Variants in GOSR1 observed in about 807,000 individuals in gnomAD.
GOSR1 encodes the protein golgi SNAP receptor complex member 1, also known as 28 kDa Golgi SNARE protein.
A neutral mutation model predicts 35.5 loss-of-function variants in GOSR1; 21 were observed. The observed-to-expected ratio is 0.59, with a 90% CI of 0.42 to 0.85. GOSR1 has a LOEUF of 0.85. GOSR1 is among the 40% of genes least tolerant of loss of function. The pLI is 0.00. For synonymous variants in GOSR1, 94 were observed against 106.6 expected, an observed-to-expected ratio of 0.88 and a Z score of 0.73; for missense variants, 285 against 309.6, an observed-to-expected ratio of 0.92 and a Z score of 0.60.
At chr17:30,502,139 T>C (rs1281325571) in intron 6 of GOSR1, among the ~76,000 whole-genome samples, 2 of 152,180 alleles carry the variant, frequency 1.3e-5, no homozygotes, top group African/African-American at 2.4e-5. Context: ...ATATAACATT[T>C]TGGACAAAGA....
intron 6 of GOSR1, among the ~76,000 whole-genome samples, chr17:30,498,810 G>A (rs772770372): frequency 3.9e-5 from 6 of 152,160 alleles, no homozygotes; most frequent in Admixed American, 6.5e-5. Context: ...GAGTGTCACC[G>A]GGGTCAGCCG....
At chr17:30,499,029 C>T (rs538676841) in intron 6 of GOSR1, among the ~76,000 whole-genome samples, 14 of 152,280 alleles carry the variant, frequency 9.2e-5, no homozygotes, top group South Asian at 6.2e-4. Context: ...CCCTCAGTCC[C>T]GGGCAGCTGC....
intron 1 of GOSR1, chr17:30,477,990 A>G (rs1914061775): frequency 3.2e-6 from 3 of 935,990 alleles, no homozygotes; most frequent in Non-Finnish European, 3.8e-6. Context: ...CATGACAACT[A>G]CAGGTTGGGG....
chr17:30,482,378 A>G (rs1332436962), intron 2 of GOSR1, among the ~76,000 whole-genome samples: 2 of 152,220 alleles, frequency 1.3e-5, no homozygotes, highest in African/African-American at 4.8e-5. Context: ...TAATTTTGAT[A>G]GCTGACATAA....
chr17:30,501,170 G>A (rs980614488), intron 6 of GOSR1, among the ~76,000 whole-genome samples: 17 of 151,946 alleles, frequency 1.1e-4, no homozygotes, highest in East Asian at 1.9e-4. Context: ...GTGAGCCACC[G>A]CGCCCGGCCA....
intron 6 of GOSR1, among the ~76,000 whole-genome samples, chr17:30,502,711 G>A (rs1250848948): frequency 1.3e-5 from 2 of 152,146 alleles, no homozygotes; most frequent in Non-Finnish European, 2.9e-5. Context: ...AAGGAATTAT[G>A]CCACCATATC....
rs951404655 is a variant in GOSR1, at chr17:30,489,092, C to G, written c.343-1034C>G. Among the ~76,000 whole-genome samples, 17 of 152,182 alleles carry G rather than the reference C, an allele frequency of 1.1e-4. No homozygotes were observed. The South Asian group carries it at 3.3e-3, about 30-fold the overall frequency. On this transcript the variant is annotated intron_variant, in intron 4 of 8. Transcript: ENST00000451249. ...ATAGATAAGCTTGTATATGTAAAAA[C>G]ATATTTCCTGGCCAGGTGCAGTGGC... is the stretch of plus-strand genomic sequence containing the variant.
chr17:30,482,675 A>G (rs1181785949), intron 2 of GOSR1, among the ~76,000 whole-genome samples: 16 of 152,226 alleles, frequency 1.1e-4, no homozygotes. Context: ...TTTCAACACT[A>G]TAGCCAAATT....
At chr17:30,483,388 T>C (rs1369819195) in intron 2 of GOSR1, among the ~76,000 whole-genome samples, 1 of 152,214 alleles carries the variant, frequency 6.6e-6, no homozygotes, top group Non-Finnish European at 1.5e-5. Context: ...CCAGGCTGTA[T>C]ACTAGGTGCT....
intron 6 of GOSR1, among the ~76,000 whole-genome samples, chr17:30,500,962 G>C (rs1363090585): frequency 6.7e-6 from 1 of 149,412 alleles, no homozygotes; most frequent in African/African-American, 2.5e-5. Context: ...CTCACTGCAA[G>C]CTCCGCCTCC....
chr17:30,477,710 G>A (rs1597747781), intron 1 of GOSR1: 2 of 985,360 alleles, frequency 2.0e-6, no homozygotes, highest in South Asian at 9.4e-5. Flanking sequence ...ACAGAGCGGG[G>A]ATGTAGAGGA....
chr17:30,477,846 T>C, intron 1 of GOSR1: 1 of 985,200 alleles, frequency 1.0e-6, no homozygotes, highest in Non-Finnish European at 1.2e-6. Flanking sequence ...CCCCGGAGAC[T>C]GGAGGAGTCA....
rs1567922928 is a variant in GOSR1, at chr17:30,524,294, A to G, written c.*1916A>G. 1 of 152,144 alleles carries G rather than the reference A, an allele frequency of 6.6e-6. No homozygotes were observed. Among genetic ancestry groups the G allele is most frequent in the Non-Finnish European group, 1.5e-5 (1 of 68,068 alleles). The allele number at this position is 152,144 out of a possible 1,614,324, so 9.4% of individuals were successfully genotyped here. ...AGAAATCACAAGTTCTTTCTTGATGATCTGTGCTATAGATTTCTACTCTGT... is the reference window on the plus strand; with the variant it reads ...AGAAATCACAAGTTCTTTCTTGATGGTCTGTGCTATAGATTTCTACTCTGT... On this transcript the variant is annotated 3_prime_UTR_variant, in exon 9 of 9. Coordinates refer to ENST00000451249, the MANE Select transcript of GOSR1 (RefSeq NM_001007025.2).
rs1968172486 is a variant in GOSR1 at position 30,525,737 on chromosome 17, A to T, written c.*3359A>T. ...TAGTCTAGCTCACTGCAGCCAAGCA[A>T]ACCCTGTTGATGGCTGATGGGCCTT... On this transcript the variant is annotated 3_prime_UTR_variant, in exon 9 of 9. Coordinates refer to ENST00000451249, the MANE Select transcript of GOSR1 (RefSeq NM_001007025.2). 1 of 152,222 alleles carries T rather than the reference A, an allele frequency of 6.6e-6. No homozygotes were observed. Among genetic ancestry groups the T allele is most frequent in the African/African-American group, 2.4e-5 (1 of 41,444 alleles). 9.4% of individuals were successfully genotyped at this position (152,222 alleles called of 1,614,324 possible).
At chr17:30,490,404 C>A in intron 5 of GOSR1, 187 bp downstream of exon 5, 1 of 454,234 alleles carries the variant, frequency 2.2e-6, no homozygotes, top group Non-Finnish European at 4.0e-6. Context: ...ATTTTTATCT[C>A]ATGCTTCCTC....
intron 6 of GOSR1, among the ~76,000 whole-genome samples, chr17:30,507,059 G>A (rs1338487381): frequency 1.3e-5 from 2 of 152,208 alleles, no homozygotes; most frequent in East Asian, 3.8e-4. Context: ...TGATGGAGAT[G>A]TACAAGGAGA....
chr17:30,521,927 G>T (rs960869853), intron 8 of GOSR1, among the ~76,000 whole-genome samples: 1 of 152,098 alleles, frequency 6.6e-6, no homozygotes, highest in African/African-American at 2.4e-5. Flanking sequence ...TCCTGGCCAC[G>T]CTGGCTCCCA....
intron 8 of GOSR1, among the ~76,000 whole-genome samples, chr17:30,521,244 C>T (rs528214399): frequency 1.4e-5 from 2 of 142,476 alleles, no homozygotes; most frequent in African/African-American, 2.7e-5. Flanking sequence ...TACAGTGGCA[C>T]GATCTCAGCT....
chr17:30,479,262 C>T (rs1252323019), intron 1 of GOSR1: 1 of 152,098 alleles, frequency 6.6e-6, no homozygotes, highest in Non-Finnish European at 1.5e-5. Flanking sequence ...GTACTTCTGC[C>T]CTTTTATTTT....
Sources: gnomAD v4.1 joint callset for allele counts (sites outside exome capture counted in the v4.1 genomes callset) on GRCh38, gnomAD v4.1.1 for gene constraint, MANE v1.5 for transcripts, NCBI Gene and HGNC (gene_info 2026-07-23, HGNC 2026-07-21) for gene names.